The following RNF157 variants were observed in gnomAD, a reference collection of about 807,000 sequenced individuals.
RNF157 encodes the protein E3 ubiquitin ligase RNF157.
RNF157 carries 55 observed loss-of-function variants against 88.3 expected under a neutral mutation model. The observed-to-expected ratio is 0.62, with a 90% CI of 0.50 to 0.78. The LOEUF (loss-of-function observed/expected upper bound fraction) is 0.78. Among genes scored for constraint, RNF157 ranks in the 30% least tolerant of loss-of-function variants. The probability of loss-of-function intolerance (pLI) is 0.00; values close to 1 mark genes in which losing one functional copy is unlikely to be tolerated. For synonymous variants in RNF157, 334 were observed against 341.2 expected, an observed-to-expected ratio of 0.98 and a Z score of 0.23; for missense variants, 788 against 860.8, an observed-to-expected ratio of 0.92 and a Z score of 1.06.
rs779891091 is a variant in RNF157, at chr17:76,159,485, G to GCACGT, written c.1153_1154insACGTG (p.Pro385HisfsTer93). On this transcript the variant is annotated frameshift_variant, in exon 12 of 19. Transcript: ENST00000269391. LOFTEE classifies it high-confidence loss of function. ...GTGGCCATCTCCAAGCACGTGAAGT[G>GCACGT]GAGGAACTGCTGGGGACGGGGTGAG... 3.1e-6 allele frequency: 5 copies of GCACGT among 1,609,498 alleles called. No homozygotes were observed. Among genetic ancestry groups the GCACGT allele is most frequent in the Middle Eastern group, 1.7e-4 (1 of 6,050 alleles).
At chr17:76,172,105 T>G (rs1035386832) in intron 3 of RNF157, among the ~76,000 whole-genome samples, 3 of 152,186 alleles carry the variant, frequency 2.0e-5, no homozygotes, top group Non-Finnish European at 4.4e-5. Context: ...TCCCCAGAGT[T>G]GACCCTGGGG....
chr17:76,221,392 T>C (rs1352092789), intron 1 of RNF157, among the ~76,000 whole-genome samples: 2 of 152,084 alleles, frequency 1.3e-5, no homozygotes, highest in African/African-American at 4.8e-5. Context: ...CACCAGCTTA[T>C]AGGGAATAAA....
intron 1 of RNF157, among the ~76,000 whole-genome samples, chr17:76,234,642 C>G (rs570975996): frequency 6.6e-6 from 1 of 152,278 alleles, no homozygotes; most frequent in South Asian, 2.1e-4. Flanking sequence ...TCTTCAAGTG[C>G]TTATTGTCCA....
chr17:76,231,575 T>C (rs900416942), intron 1 of RNF157, among the ~76,000 whole-genome samples: 3 of 152,082 alleles, frequency 2.0e-5, no homozygotes, highest in Non-Finnish European at 4.4e-5. Flanking sequence ...AAGGATTGCT[T>C]GAGCCCAGGA....
chr17:76,240,319 G>T lies in RNF157; in HGVS notation c.-79C>A. On this transcript the variant is annotated 5_prime_UTR_variant, in exon 1 of 19. Transcript: ENST00000269391. The surrounding 1 kb of genome is among the most constrained non-coding windows in gnomAD (Gnocchi z 4.4). ...GCTTCACCGCGGCCGCCCGCCCCGC[G>T]CCCGGTGCGGGGGCCGACTGCCCGC... is the stretch of plus-strand genomic sequence containing the variant. 3.0e-6 allele frequency: 2 copies of T among 669,474 alleles called. No individual in the cohort carries two copies. The highest frequency in any genetic ancestry group is 3.7e-6 in the Non-Finnish European group (2 of 544,062). 41.5% of individuals were successfully genotyped at this position (669,474 alleles called of 1,614,324 possible). A position where few individuals can be genotyped will look rare whatever the true frequency, so the allele number is the denominator to read the frequency against.
In RNF157 at chr17:76,159,533, A is replaced by C. The variant is rs1051424639; in HGVS notation, c.1106T>G (p.Leu369Arg). The change falls in exon 12 of 19, where the codon CTT becomes CGT. Residue 369 changes from leucine (L) to arginine (R), a missense_variant. Transcript: ENST00000269391. ...GAGGGGCCCGTTGAGGGCCTCCAGA[A>C]GAGATACTACTTCATAGCCTGGTGG... ...NIPPGYEVVS[L>R]LEALNGPLTP... The C allele has an allele frequency of 8.1e-6, 13 of 1,602,322 alleles. No individual in the cohort carries two copies. In the Admixed American group the frequency reaches 1.8e-4, roughly 22 times the overall value.
chr17:76,226,451 G>A (rs1156357898), intron 1 of RNF157: 1 of 1,602,274 alleles, frequency 6.2e-7, no homozygotes, highest in Admixed American at 1.7e-5. Flanking sequence ...GAGATTACAA[G>A]TGTCATCCAA....
In RNF157 at chr17:76,155,598, G is replaced by C. The variant is rs903663905; in HGVS notation, c.1662C>G (p.Pro554=). ...CTGAGGGGGCCCTGCTGGCAGGCTGGGGGGAAGAGAGAGCCTCTCCCTCCT... is the reference window on the plus strand; with the variant it reads ...CTGAGGGGGCCCTGCTGGCAGGCTGCGGGGAAGAGAGAGCCTCTCCCTCCT... ...TEEEGEALSS[P]QPASRAPSEE... The change falls in exon 15 of 19, where the codon CCC becomes CCG. Residue 554 remains proline, a synonymous_variant. Transcript: ENST00000269391. 8.1e-6 allele frequency: 13 copies of C among 1,612,896 alleles called. No individual in the cohort carries two copies. The highest frequency in any genetic ancestry group is 1.3e-5 in the African/African-American group (1 of 74,852).
intron 18 of RNF157, chr17:76,145,636 C>G: frequency 7.9e-6 from 3 of 377,590 alleles, no homozygotes; most frequent in Non-Finnish European, 1.4e-5. Flanking sequence ...GCGAACTTAC[C>G]CTGGGATCCA....
Position 76,240,142 on chromosome 17 carries a change from C to CG in RNF157, c.88+10_88+11insC. The CG allele has an allele frequency of 7.5e-7, 1 of 1,325,508 alleles. No individual in the cohort carries two copies. The highest frequency in any genetic ancestry group is 2.3e-5 in the South Asian group (1 of 43,132). The allele number at this position is 1,325,508 out of a possible 1,614,324, so 82.1% of individuals were successfully genotyped here. The stretch of plus-strand genomic sequence containing the variant: ...TCCCTCCTCGCGGCTGCGGCGCCCG[C>CG]CCGCCCTCACCGGACTTGGGCGGGT... On this transcript the variant is annotated intron_variant, in intron 1 of 18. Coordinates refer to ENST00000269391, the MANE Select transcript of RNF157 (RefSeq NM_052916.3). The surrounding 1 kb of genome is among the most constrained non-coding windows in gnomAD (Gnocchi z 4.4).
In RNF157 at chr17:76,144,274, C is replaced by T. The variant is rs2068552483; in HGVS notation, c.*961G>A. On this transcript the variant is annotated 3_prime_UTR_variant, in exon 19 of 19. Coordinates refer to ENST00000269391, the MANE Select transcript of RNF157 (RefSeq NM_052916.3). ...ATGCACCTGATCAGGAGAAATGCTC[C>T]TTAAGGGAAATCATCTTAACTGGGG... The T allele has an allele frequency of 6.6e-6, 1 of 151,810 alleles. No individual in the cohort carries two copies. The highest frequency in any genetic ancestry group is 1.5e-5 in the Non-Finnish European group (1 of 67,998). 9.4% of individuals were successfully genotyped at this position (151,810 alleles called of 1,614,324 possible). A position where few individuals can be genotyped will look rare whatever the true frequency, so the allele number is the denominator to read the frequency against.
intron 2 of RNF157, among the ~76,000 whole-genome samples, chr17:76,194,285 G>T (rs187110450): frequency 9.2e-5 from 14 of 152,214 alleles, no homozygotes; most frequent in Admixed American, 9.2e-4. Context: ...CTATCGTTTT[G>T]CTCTTTCCAG....
At chr17:76,185,052 A>T (rs1322805903) in intron 2 of RNF157, among the ~76,000 whole-genome samples, 1 of 152,216 alleles carries the variant, frequency 6.6e-6, no homozygotes, top group Non-Finnish European at 1.5e-5. Flanking sequence ...AATGGCATAG[A>T]TCTTGGTAAT....
chr17:76,231,448 C>A (rs1315171025), intron 1 of RNF157, among the ~76,000 whole-genome samples: 1 of 152,104 alleles, frequency 6.6e-6, no homozygotes, highest in Non-Finnish European at 1.5e-5. Flanking sequence ...TGAGGCCCAC[C>A]ACCATGCCTG....
intron 1 of RNF157, among the ~76,000 whole-genome samples, chr17:76,225,225 A>C (rs893784592): frequency 6.7e-6 from 1 of 149,364 alleles, no homozygotes; most frequent in Non-Finnish European, 1.5e-5. Flanking sequence ...ATGGCTCACA[A>C]CTGTAATCCC....
In RNF157 at chr17:76,161,625, G is replaced by C. The variant is rs1322156949; in HGVS notation, c.975C>G (p.Ile325Met). The C allele has an allele frequency of 1.6e-5, 26 of 1,614,000 alleles. No homozygotes were observed. The highest frequency in any genetic ancestry group is 4.0e-5 in the African/African-American group (3 of 74,902). The part of the protein sequence containing the change: ...CRLPFRALLQ[I>M]RAMRKKLGPL... ...GGCCCAATTTTTTCCTCATGGCTCG[G>C]ATCTGAAGCAGTGCCCGGAAGGCTG... Residue 325 changes from isoleucine (I) to methionine (M), a missense_variant, in exon 11 of 19, where the codon ATC (isoleucine) becomes ATG (methionine). Ile to Met is a conservative substitution (Grantham distance 10). Coordinates refer to ENST00000269391, the MANE Select transcript of RNF157 (RefSeq NM_052916.3). This position sits in a 1 kb window ranked among gnomAD's most constrained non-coding sequence, Gnocchi z 4.6.
At chr17:76,165,969 C>T (rs112946225) in intron 6 of RNF157, among the ~76,000 whole-genome samples, 1,813 of 151,678 alleles carry the variant, frequency 0.012, 33 homozygotes, top group African/African-American at 0.041. Flanking sequence ...TGAGCCACTA[C>T]GCCCAGCTAA....
At position 76,176,005 on chromosome 17, in the gene RNF157, T is replaced by C. The variant is rs1476399722; in HGVS notation, c.208-2215A>G. 1.3e-5 allele frequency among the ~76,000 whole-genome samples: 2 copies of C among 152,192 alleles called. No individual in the cohort carries two copies. Among genetic ancestry groups the C allele is most frequent in the South Asian group, 2.1e-4 (1 of 4,828 alleles). On this transcript the variant is annotated intron_variant, in intron 2 of 18. Transcript: ENST00000269391. The surrounding 1 kb of genome is among the most constrained non-coding windows in gnomAD (Gnocchi z 4.2). ...TTTAGGCTCTCCCTGTACACACACATACACGCACAAGACAACAACGGCAAA... is the reference window on the plus strand; with the variant it reads ...TTTAGGCTCTCCCTGTACACACACACACACGCACAAGACAACAACGGCAAA...
At chr17:76,199,544 G>A (rs529094187) in intron 2 of RNF157, among the ~76,000 whole-genome samples, 2 of 145,588 alleles carry the variant, frequency 1.4e-5, no homozygotes, top group South Asian at 4.3e-4. Context: ...GTGAGCCACT[G>A]TGCCCTGCCA....
Sources: gnomAD v4.1 joint callset for allele counts (sites outside exome capture counted in the v4.1 genomes callset) on GRCh38, gnomAD v4.1.1 for gene constraint, Gnocchi (gnomAD v3.1) non-coding constraint, MANE v1.5 for transcripts, NCBI Gene and HGNC (gene_info 2026-07-23, HGNC 2026-07-21) for gene names.